Variants in NPRL2 observed in about 807,000 individuals in gnomAD.
NPRL2 encodes NPR2 like, GATOR1 complex subunit.
NPRL2 carries 21 observed loss-of-function variants against 51.1 expected under a neutral mutation model. The observed-to-expected ratio is 0.41, with a 90% confidence interval of 0.29 to 0.59. The LOEUF is 0.59. Ranked by LOEUF, NPRL2 falls within the 20% of genes least tolerant of loss-of-function variation. The probability of loss-of-function intolerance (pLI) is 0.29; values close to 1 mark genes in which losing one functional copy is unlikely to be tolerated. For missense variants in NPRL2, 376 were observed against 483.4 expected (o/e 0.78, Z 2.08); for synonymous variants, 175 against 187.8 (o/e 0.93, Z 0.56).
In NPRL2 at chr3:50,348,239, G is replaced by T; in HGVS notation, c.817C>A (p.His273Asn). Residue 273 changes from histidine (H) to asparagine (N), a missense_variant and splice_region_variant, in exon 9 of 11, where the codon CAC becomes AAC. His to Asn is a moderately conservative substitution (Grantham distance 68). Transcript: ENST00000232501. The surrounding 1 kb of genome is among the most constrained non-coding windows in gnomAD (Gnocchi z 5.8). ...ACATCCCGGAGACTGGCCCTCTTGTGCCCTGTGGGTGCCAGGGATCAGCTC... is the reference window on the plus strand; with the variant it reads ...ACATCCCGGAGACTGGCCCTCTTGTTCCCTGTGGGTGCCAGGGATCAGCTC... ...ACLSYVTKQG[H>N]KRASLRDVFQ... 1 of 1,613,924 alleles carries T rather than the reference G, an allele frequency of 6.2e-7. No homozygotes were observed. Among genetic ancestry groups the T allele is most frequent in the Non-Finnish European group, 8.5e-7 (1 of 1,179,992 alleles).
At position 50,349,107 on chromosome 3, in the gene NPRL2, C is replaced by T. The variant is rs760741831; in HGVS notation, c.449-97G>A. 3 of 1,428,964 alleles carry T rather than the reference C, an allele frequency of 2.1e-6. No homozygotes were observed. The highest frequency in any genetic ancestry group is 2.9e-6 in the Non-Finnish European group (3 of 1,050,558). 88.5% of individuals were successfully genotyped at this position (1,428,964 alleles called of 1,614,324 possible). A position where few individuals can be genotyped will look rare whatever the true frequency, so the allele number is the denominator to read the frequency against. On this transcript the variant is annotated intron_variant, in intron 4 of 10. Transcript: ENST00000232501. The surrounding 1 kb of genome is among the most constrained non-coding windows in gnomAD (Gnocchi z 4.6). ...CAGCATCCCTTGGGGCAAGCAGGTG[C>T]CTCTGGGTAGGGCTAATCTTTCTCT...
Position 50,347,519 on chromosome 3 carries a change from A to G in NPRL2, c.*87T>C. The G allele has an allele frequency of 6.6e-7, 1 of 1,522,790 alleles. No homozygotes were observed. The highest frequency in any genetic ancestry group is 9.1e-7 in the Non-Finnish European group (1 of 1,100,182). The allele number at this position is 1,522,790 out of a possible 1,614,324, so 94.3% of individuals were successfully genotyped here. On this transcript the variant is annotated 3_prime_UTR_variant, in exon 11 of 11. Transcript: ENST00000232501. ...TGAAATGGATGTCTTTATTTACAGA[A>G]CTAAGAGTCAACCTCTAGACAGTAT...
rs1221927137 is a variant in NPRL2 at position 50,350,661 on chromosome 3, C to T, written c.-9G>A. On this transcript the variant is annotated 5_prime_UTR_variant, in exon 1 of 11. Coordinates refer to ENST00000232501, the MANE Select transcript of NPRL2 (RefSeq NM_006545.5). The surrounding 1 kb of genome is among the most constrained non-coding windows in gnomAD (Gnocchi z 5.7). ...CGGCAGCCGCTGCCCATGGCAATAA[C>T]CGGGCCCAGGCCCGTAGCTCCTCGT... is the stretch of plus-strand genomic sequence containing the variant. 3 of 1,600,646 alleles carry T rather than the reference C, an allele frequency of 1.9e-6. No individual in the cohort carries two copies. The Admixed American group carries it at 5.1e-5, about 27-fold the overall frequency.
chr3:50,348,440 G>C lies in NPRL2; in HGVS notation c.721-30C>G, dbSNP rs1319594642. 6.2e-7 allele frequency: 1 copy of C among 1,613,178 alleles called. No individual in the cohort carries two copies. Among genetic ancestry groups the C allele is most frequent in the African/African-American group, 1.3e-5 (1 of 75,026 alleles). The stretch of plus-strand genomic sequence containing the variant: ...AGGGTAGCAGAAGGCATAGGGGCCT[G>C]AGTGAGGGGCTTGGGAAGCTGACAC... On this transcript the variant is annotated intron_variant, in intron 7 of 10. Transcript: ENST00000232501. The surrounding 1 kb of genome is among the most constrained non-coding windows in gnomAD (Gnocchi z 5.8).
rs1019287116 is a variant in NPRL2, at chr3:50,349,230, C to T, written c.448+156G>A. The stretch of plus-strand genomic sequence containing the variant: ...TTTCCCCCTACCCCCAGTCCCAGCT[C>T]CATCATGCATTGGACCCTGGACATG... On this transcript the variant is annotated intron_variant, in intron 4 of 10. Coordinates refer to ENST00000232501, the MANE Select transcript of NPRL2 (RefSeq NM_006545.5). The surrounding 1 kb of genome is among the most constrained non-coding windows in gnomAD (Gnocchi z 4.6). 1.2e-6 allele frequency: 1 copy of T among 833,936 alleles called. No homozygotes were observed. The highest frequency in any genetic ancestry group is 1.6e-5 in the South Asian group (1 of 60,776). The allele number at this position is 833,936 out of a possible 1,614,324, so 51.7% of individuals were successfully genotyped here.
rs1414299036 is a variant in NPRL2, at chr3:50,350,096, T to G, written c.79-74A>C. On this transcript the variant is annotated intron_variant, in intron 1 of 10. Coordinates refer to ENST00000232501, the MANE Select transcript of NPRL2 (RefSeq NM_006545.5). This position sits in a 1 kb window ranked among gnomAD's most constrained non-coding sequence, Gnocchi z 5.7. ...TGTAGTACAAATGGTGACCTCCTCATGCCCCCCAAGCCCAAGTCCTCTTCT... is the reference window on the plus strand; with the variant it reads ...TGTAGTACAAATGGTGACCTCCTCAGGCCCCCCAAGCCCAAGTCCTCTTCT... 1 of 1,251,900 alleles carries G rather than the reference T, an allele frequency of 8.0e-7. No individual in the cohort carries two copies. The highest frequency in any genetic ancestry group is 1.2e-6 in the Non-Finnish European group (1 of 861,962). The allele number at this position is 1,251,900 out of a possible 1,614,324, so 77.5% of individuals were successfully genotyped here.
chr3:50,347,629 T>C lies in NPRL2; in HGVS notation c.1120A>G (p.Asn374Asp), dbSNP rs942226741. 1.6e-5 allele frequency: 26 copies of C among 1,613,994 alleles called. No homozygotes were observed. The highest frequency in any genetic ancestry group is 2.2e-5 in the Non-Finnish European group (26 of 1,179,986). Residue 374 changes from asparagine (N) to aspartate (D), a missense_variant, in exon 11 of 11, where the codon AAC (asparagine) becomes GAC (aspartate). Transcript: ENST00000232501. ...CCTCACTTCCAGCAGATGATGATGTTGGGGTCATTTTCAAGCCGCTCATCC... is the reference window on the plus strand; with the variant it reads ...CCTCACTTCCAGCAGATGATGATGTCGGGGTCATTTTCAAGCCGCTCATCC... ...ELDERLENDP[N>D]IIICWK
chr3:50,348,813 C>T lies in NPRL2; in HGVS notation c.586-31G>A. On this transcript the variant is annotated intron_variant, in intron 5 of 10. Transcript: ENST00000232501. This position sits in a 1 kb window ranked among gnomAD's most constrained non-coding sequence, Gnocchi z 5.8. Reference sequence around the variant, plus strand: ...CAGAGTGGGACAAGGTCAGAAGAAACAGGATGAGGCCAGGGCTGTGGCCAG... The same window carrying T: ...CAGAGTGGGACAAGGTCAGAAGAAATAGGATGAGGCCAGGGCTGTGGCCAG... 1 of 1,614,000 alleles carries T rather than the reference C, an allele frequency of 6.2e-7. No individual in the cohort carries two copies. The highest frequency in any genetic ancestry group is 8.5e-7 in the Non-Finnish European group (1 of 1,179,998).
rs1559858036 is a variant in NPRL2, at chr3:50,350,036, T to C, written c.79-14A>G. ...GTCTTCAGGGACCTGGGGAGGGGAG[T>C]GGCAATGGGCCCCTCAGTGGACATC... On this transcript the variant is annotated splice_polypyrimidine_tract_variant and intron_variant, in intron 1 of 10. Transcript: ENST00000232501. The surrounding 1 kb of genome is among the most constrained non-coding windows in gnomAD (Gnocchi z 5.7). 4 of 1,605,966 alleles carry C rather than the reference T, an allele frequency of 2.5e-6. No homozygotes were observed. The highest frequency in any genetic ancestry group is 1.3e-5 in the African/African-American group (1 of 74,596).
rs990046470 is a variant in NPRL2, at chr3:50,349,377, T to C, written c.448+9A>G. The C allele has an allele frequency of 1.2e-6, 2 of 1,610,236 alleles. No homozygotes were observed. The highest frequency in any genetic ancestry group is 1.7e-5 in the Admixed American group (1 of 60,004). ...ACCCCTCTGCTGTCCTTGCAGAGGC[T>C]GGCCATACCAATGGGCAGAGTGCAC... is the stretch of plus-strand genomic sequence containing the variant. On this transcript the variant is annotated intron_variant, in intron 4 of 10. Transcript: ENST00000232501. The surrounding 1 kb of genome is among the most constrained non-coding windows in gnomAD (Gnocchi z 4.6).
Position 50,350,700 on chromosome 3 carries a change from G to A in NPRL2, c.-48C>T. ...GTAGCTCCTCGTTCCTCGCGCAGAGGCGTCCCCACCTCCTGTGAACACTTG... is the reference window on the plus strand; with the variant it reads ...GTAGCTCCTCGTTCCTCGCGCAGAGACGTCCCCACCTCCTGTGAACACTTG... On this transcript the variant is annotated 5_prime_UTR_variant, in exon 1 of 11. Transcript: ENST00000232501. The surrounding 1 kb of genome is among the most constrained non-coding windows in gnomAD (Gnocchi z 5.7). The A allele has an allele frequency of 6.4e-7, 1 of 1,563,800 alleles. No individual in the cohort carries two copies. Among genetic ancestry groups the A allele is most frequent in the Non-Finnish European group, 8.7e-7 (1 of 1,155,220 alleles).
In NPRL2 at chr3:50,349,171, G is replaced by T. The variant is rs995039435; in HGVS notation, c.449-161C>A. 11 of 973,292 alleles carry T rather than the reference G, an allele frequency of 1.1e-5. No individual in the cohort carries two copies. The highest frequency in any genetic ancestry group is 1.6e-5 in the African/African-American group (1 of 60,936). 60.3% of individuals were successfully genotyped at this position (973,292 alleles called of 1,614,324 possible). A position where few individuals can be genotyped will look rare whatever the true frequency, so the allele number is the denominator to read the frequency against. ...GAAACGGAGGCCCACAAAGGGGAAG[G>T]AATTGCCCAAGGGGCAGAGCTGGAG... On this transcript the variant is annotated intron_variant, in intron 4 of 10. Transcript: ENST00000232501. The surrounding 1 kb of genome is among the most constrained non-coding windows in gnomAD (Gnocchi z 4.6).
In NPRL2 at chr3:50,348,736, G is replaced by T. The variant is rs1217586328; in HGVS notation, c.632C>A (p.Ala211Glu). 4 of 1,613,896 alleles carry T rather than the reference G, an allele frequency of 2.5e-6. No individual in the cohort carries two copies. In the African/African-American group the frequency reaches 5.3e-5, roughly 22 times the overall value. ...CAGGTTGAGCTCCACATCTGCCTCT[G>T]CTGAAATCTTCTGGATGTGGCGGAA... ...DGFRHIQKIS[A>E]EADVELNLVR... The change falls in exon 6 of 11, where the codon GCA (alanine) becomes GAA (glutamate). Residue 211 changes from alanine to glutamate, a missense_variant. Transcript: ENST00000232501. This position sits in a 1 kb window ranked among gnomAD's most constrained non-coding sequence, Gnocchi z 5.8.
In NPRL2 at chr3:50,347,588, A is replaced by G. The variant is rs749356303; in HGVS notation, c.*18T>C. ...AGGGACTACCCACAGCAATGTGTCC[A>G]TCCAGTCACTACCAGCCTCACTTCC... On this transcript the variant is annotated 3_prime_UTR_variant, in exon 11 of 11. Transcript: ENST00000232501. 3.8e-5 allele frequency: 61 copies of G among 1,613,960 alleles called. No individual in the cohort carries two copies. Among genetic ancestry groups the G allele is most frequent in the African/African-American group, 8.0e-5 (6 of 75,036 alleles).
rs769584933 is a variant in NPRL2 at position 50,350,643 on chromosome 3, C to T, written c.10G>A (p.Gly4Ser). The T allele has an allele frequency of 2.4e-5, 38 of 1,606,166 alleles. No individual in the cohort carries two copies. Among genetic ancestry groups the T allele is most frequent in the Non-Finnish European group, 3.1e-5 (37 of 1,176,768 alleles). ...AAGAATATGCATTCGATGCGGCAGC[C>T]GCTGCCCATGGCAATAACCGGGCCC... Reference protein sequence around the residue: MGSGCRIECIFFSE... With the variant: MGSSCRIECIFFSE... Residue 4 changes from glycine to serine, a missense_variant, in exon 1 of 11, where the codon GGC (glycine) becomes AGC (serine). By Grantham distance (56) the Gly-to-Ser change is moderately conservative. Transcript: ENST00000232501. The surrounding 1 kb of genome is among the most constrained non-coding windows in gnomAD (Gnocchi z 5.7).
Position 50,347,631 on chromosome 3 carries a change from G to A in NPRL2, c.1118C>T (p.Pro373Leu). The A allele has an allele frequency of 2.5e-6, 4 of 1,614,034 alleles. No homozygotes were observed. Among genetic ancestry groups the A allele is most frequent in the Non-Finnish European group, 2.5e-6 (3 of 1,180,020 alleles). ...HELDERLEND[P>L]NIIICWK The stretch of plus-strand genomic sequence containing the variant: ...TCACTTCCAGCAGATGATGATGTTG[G>A]GGTCATTTTCAAGCCGCTCATCCAG... The change falls in exon 11 of 11, where the codon CCC becomes CTC. Residue 373 changes from proline to leucine, a missense_variant. Physicochemically the swap from Pro to Leu is moderately conservative, Grantham distance 98. Coordinates refer to ENST00000232501, the MANE Select transcript of NPRL2 (RefSeq NM_006545.5).
At position 50,349,136 on chromosome 3, in the gene NPRL2, T is replaced by C; in HGVS notation, c.449-126A>G. On this transcript the variant is annotated intron_variant, in intron 4 of 10. Transcript: ENST00000232501. The surrounding 1 kb of genome is among the most constrained non-coding windows in gnomAD (Gnocchi z 4.6). ...TGGGTAGGGCTAATCTTTCTCTTTT[T>C]ATGGAGTGAGAAACGGAGGCCCACA... 3 of 1,209,762 alleles carry C rather than the reference T, an allele frequency of 2.5e-6. No individual in the cohort carries two copies. Among genetic ancestry groups the C allele is most frequent in the Non-Finnish European group, 3.4e-6 (3 of 871,746 alleles). 74.9% of individuals were successfully genotyped at this position (1,209,762 alleles called of 1,614,324 possible).
Position 50,348,488 on chromosome 3 carries a change from A to G in NPRL2, c.720+39T>C, listed in dbSNP as rs193060864. Reference sequence around the variant, plus strand: ...CACAGCCCTGGTCTGGTCCAGCCACATGATCCACTCTCCACTTAACCAAAC... The same window carrying G: ...CACAGCCCTGGTCTGGTCCAGCCACGTGATCCACTCTCCACTTAACCAAAC... On this transcript the variant is annotated intron_variant, in intron 7 of 10. Transcript: ENST00000232501. This position sits in a 1 kb window ranked among gnomAD's most constrained non-coding sequence, Gnocchi z 5.8. 1 of 1,613,870 alleles carries G rather than the reference A, an allele frequency of 6.2e-7. No homozygotes were observed. The highest frequency in any genetic ancestry group is 1.3e-5 in the African/African-American group (1 of 74,920).
rs1409214318 is a variant in NPRL2 at position 50,348,065 on chromosome 3, A to G, written c.932+59T>C. 1 of 1,596,368 alleles carries G rather than the reference A, an allele frequency of 6.3e-7. No individual in the cohort carries two copies. The highest frequency in any genetic ancestry group is 1.7e-5 in the Admixed American group (1 of 59,928). ...CCATGATCCAGGGCTCCTGAGAGACATAAAGGGTCTAGCTTCCCTCAGGTA... is the reference window on the plus strand; with the variant it reads ...CCATGATCCAGGGCTCCTGAGAGACGTAAAGGGTCTAGCTTCCCTCAGGTA... On this transcript the variant is annotated intron_variant, in intron 9 of 10. Coordinates refer to ENST00000232501, the MANE Select transcript of NPRL2 (RefSeq NM_006545.5). The surrounding 1 kb of genome is among the most constrained non-coding windows in gnomAD (Gnocchi z 5.8).
Sources: gnomAD v4.1 joint callset for allele counts on GRCh38, gnomAD v4.1.1 for gene constraint, Gnocchi (gnomAD v3.1) non-coding constraint, MANE v1.5 for transcripts, NCBI Gene and HGNC (gene_info 2026-07-23, HGNC 2026-07-21) for gene names.